The following STARD4 variants were observed in gnomAD, a reference collection of about 807,000 sequenced individuals.
STARD4 encodes the protein stAR-related lipid transfer protein 4.
A neutral mutation model predicts 24.9 loss-of-function variants in STARD4; 33 were observed. The observed-to-expected ratio is 1.32, with a 90% CI of 1.00 to 1.77. The LOEUF is 1.77. Among genes scored for constraint, STARD4 ranks in the 40% most tolerant of loss-of-function variants. The pLI is 0.00. For missense variants in STARD4, 238 were observed against 249.3 expected, an observed-to-expected ratio of 0.95 and a Z score of 0.31; for synonymous variants, 88 against 77.4, an observed-to-expected ratio of 1.14 and a Z score of -0.72.
At chr5:111,509,997 C>A (rs1050840768) in intron 1 of STARD4, among the ~76,000 whole-genome samples, 6 of 152,038 alleles carry the variant, frequency 3.9e-5, no homozygotes, top group African/African-American at 1.4e-4. Context: ...GAAATAACAA[C>A]AACAAAAACT....
At position 111,501,065 on chromosome 5, in the gene STARD4, A is replaced by T. The variant is rs746385640; in HGVS notation, c.334T>A (p.Ser112Thr). ...TTAGQLWNIISPREFVDFSYT... is the reference protein window; with the variant it reads ...TTAGQLWNIITPREFVDFSYT... ...GAGAAATCAACAAATTCTCTTGGGG[A>T]AATTATATTCCAAAGCTGACCAGCA... The change falls in exon 5 of 6, where the codon TCC (serine) becomes ACC (threonine). Residue 112 changes from serine (S) to threonine (T), a missense_variant. Physicochemically the swap from Ser to Thr is moderately conservative, Grantham distance 58 (BLOSUM62 1). Transcript: ENST00000296632. The T allele has an allele frequency of 6.2e-7, 1 of 1,612,490 alleles. No homozygotes were observed. The highest frequency in any genetic ancestry group is 1.1e-5 in the South Asian group (1 of 90,724).
At chr5:111,500,778 G>A in intron 5 of STARD4, 1 of 1,447,392 alleles carries the variant, frequency 6.9e-7, no homozygotes, top group Non-Finnish European at 9.0e-7. Flanking sequence ...TGCTACCTCT[G>A]ACCTAGAGGA....
At chr5:111,500,230 C>A in intron 5 of STARD4, 124 bp from the exon 6 acceptor site, 1 of 1,377,682 alleles carries the variant, frequency 7.3e-7, no homozygotes, top group South Asian at 1.9e-5. Context: ...AAAATTAAAT[C>A]CCAAAGTGAC....
chr5:111,504,417 A>G (rs1229852198), intron 3 of STARD4, among the ~76,000 whole-genome samples: 1 of 152,218 alleles, frequency 6.6e-6, no homozygotes, highest in African/African-American at 2.4e-5. Context: ...TAAAATATGT[A>G]CATACAAAGA....
Position 111,507,243 on chromosome 5 carries a change from A to ATCCC in STARD4, c.105+85_105+86insGGGA. On this transcript the variant is annotated intron_variant, in intron 2 of 5. Transcript: ENST00000296632. This position sits in a 1 kb window ranked among gnomAD's most constrained non-coding sequence, Gnocchi z 4.4. ...TCCATCCAAAGTATGGTCTTTGTCC[A>ATCCC]TATTGTTCCATTTAATTTTAAAAGT... 1 of 1,098,850 alleles carries ATCCC rather than the reference A, an allele frequency of 9.1e-7. No individual in the cohort carries two copies. The highest frequency in any genetic ancestry group is 2.4e-5 in the East Asian group (1 of 41,792). 68.1% of individuals were successfully genotyped at this position (1,098,850 alleles called of 1,614,324 possible).
intron 1 of STARD4, among the ~76,000 whole-genome samples, chr5:111,510,481 T>G (rs1757178778): frequency 6.6e-6 from 1 of 152,172 alleles, no homozygotes; most frequent in Admixed American, 6.5e-5. Flanking sequence ...CTTGACCTTA[T>G]ATCAGGAAAT....
chr5:111,502,793 CA>C (rs200887111), intron 3 of STARD4, among the ~76,000 whole-genome samples: 14 of 141,154 alleles, frequency 9.9e-5, no homozygotes, highest in African/African-American at 7.9e-5. Flanking sequence ...AATTCCATCT[CA>C]AAAAAAAAAT....
Position 111,499,779 on chromosome 5 carries a change from C to A in STARD4, c.*107G>T. On this transcript the variant is annotated 3_prime_UTR_variant, in exon 6 of 6. Transcript: ENST00000296632. ...TTGTACTAGTGAACCAAAAACATTT[C>A]AAATTTTTCTACCGGCTATGCAGAA... 2 of 1,050,950 alleles carry A rather than the reference C, an allele frequency of 1.9e-6. No homozygotes were observed. Among genetic ancestry groups the A allele is most frequent in the East Asian group, 2.5e-5 (1 of 39,292 alleles). 65.1% of individuals were successfully genotyped at this position (1,050,950 alleles called of 1,614,324 possible). A position where few individuals can be genotyped will look rare whatever the true frequency, so the allele number is the denominator to read the frequency against.
At position 111,498,644 on chromosome 5, in the gene STARD4, G is replaced by C. The variant is rs574374117; in HGVS notation, c.*1242C>G. ...TCAAAAGTACATTCAATTTAGAAAA[G>C]GATCCTGGTAATTAATAAATCATTA... On this transcript the variant is annotated 3_prime_UTR_variant, in exon 6 of 6. Coordinates refer to ENST00000296632, the MANE Select transcript of STARD4 (RefSeq NM_139164.3). 6.6e-6 allele frequency: 1 copy of C among 152,096 alleles called. No homozygotes were observed. The highest frequency in any genetic ancestry group is 1.5e-5 in the Non-Finnish European group (1 of 67,962). 9.4% of individuals were successfully genotyped at this position (152,096 alleles called of 1,614,324 possible).
rs928676698 is a variant in STARD4, at chr5:111,504,502, T to C, written c.155+1828A>G. ...TGGATATATAAATATATGGTCAAAG[T>C]ATGAAACAGGAACAACACACATAAC... On this transcript the variant is annotated intron_variant, in intron 3 of 5. Transcript: ENST00000296632. Among the ~76,000 whole-genome samples the C allele has an allele frequency of 2.0e-5, 3 of 152,290 alleles. No homozygotes were observed. The South Asian group carries it at 6.2e-4, about 32-fold the overall frequency.
intron 1 of STARD4, chr5:111,512,156 C>A (rs942980889): frequency 5.9e-5 from 9 of 152,318 alleles, no homozygotes; most frequent in African/African-American, 2.2e-4. Flanking sequence ...GCCCTGGGAT[C>A]CTTCCAGCTC....
chr5:111,510,306 GCT>G (rs1235050677), intron 1 of STARD4, among the ~76,000 whole-genome samples: 1 of 152,246 alleles, frequency 6.6e-6, no homozygotes, highest in South Asian at 2.1e-4. Context: ...CAAGGTCTTG[GCT>G]CTCTCTCCTA....
chr5:111,503,861 T>TA (rs1756650434), intron 3 of STARD4, among the ~76,000 whole-genome samples: 1 of 152,038 alleles, frequency 6.6e-6, no homozygotes, highest in Non-Finnish European at 1.5e-5. Flanking sequence ...GTATAACACA[T>TA]ATAAACAGAG....
chr5:111,506,830 GT>G (rs1756897413), intron 2 of STARD4, among the ~76,000 whole-genome samples: 1 of 152,160 alleles, frequency 6.6e-6, no homozygotes, highest in Admixed American at 6.5e-5. Flanking sequence ...CATTTCCCAA[GT>G]AATTCTGAAT....
Position 111,501,980 on chromosome 5 carries a change from A to G in STARD4, c.264T>C (p.Ile88=). 1 of 1,614,166 alleles carries G rather than the reference A, an allele frequency of 6.2e-7. No individual in the cohort carries two copies. Among genetic ancestry groups the G allele is most frequent in the Non-Finnish European group, 8.5e-7 (1 of 1,180,022 alleles). The change falls in exon 4 of 6, where the codon ATT becomes ATC. Residue 88 remains isoleucine (I), a synonymous_variant. Transcript: ENST00000296632. Reference sequence around the variant, plus strand: ...TAGATACCTCTTCAAAGTTCTCCAGAATATCCAAAGAAGTCATCAAGCTGT... The same window carrying G: ...TAGATACCTCTTCAAAGTTCTCCAGGATATCCAAAGAAGTCATCAAGCTGT... ...DWDSLMTSLD[I]LENFEENCCV...
intron 3 of STARD4, among the ~76,000 whole-genome samples, chr5:111,503,822 T>A (rs905051616): frequency 6.6e-6 from 1 of 152,236 alleles, no homozygotes; most frequent in East Asian, 1.9e-4. Flanking sequence ...AGTCATTTTT[T>A]AAAACTAGCC....
Position 111,498,729 on chromosome 5 carries a change from A to C in STARD4, c.*1157T>G, listed in dbSNP as rs1157982232. The C allele has an allele frequency of 6.6e-6, 1 of 152,186 alleles. No individual in the cohort carries two copies. Among genetic ancestry groups the C allele is most frequent in the East Asian group, 1.9e-4 (1 of 5,204 alleles). The allele number at this position is 152,186 out of a possible 1,614,324, so 9.4% of individuals were successfully genotyped here. A position where few individuals can be genotyped will look rare whatever the true frequency, so the allele number is the denominator to read the frequency against. On this transcript the variant is annotated 3_prime_UTR_variant, in exon 6 of 6. Coordinates refer to ENST00000296632, the MANE Select transcript of STARD4 (RefSeq NM_139164.3). ...GATCTTGATCAATCTAGATACTATGAGATAATTCACCATGAACATTGTGCT... is the reference window on the plus strand; with the variant it reads ...GATCTTGATCAATCTAGATACTATGCGATAATTCACCATGAACATTGTGCT...
At chr5:111,510,532 C>T (rs1332500121) in intron 1 of STARD4, among the ~76,000 whole-genome samples, 1 of 152,186 alleles carries the variant, frequency 6.6e-6, no homozygotes, top group African/African-American at 2.4e-5. Context: ...GAACAGGCAC[C>T]ACTTAACCTT....
At position 111,499,946 on chromosome 5, in the gene STARD4, T is replaced by C. The variant is rs1326018163; in HGVS notation, c.558A>G (p.Val186=). ...TTAAAGTGCTTGCCATGGCTGTATC[T>C]ACCGCAGACTGAGGAATCATCCCAC... ...DLRGMIPQSA[V]DTAMASTLTN... Residue 186 remains valine (V), a synonymous_variant, in exon 6 of 6, where the codon GTA becomes GTG. Transcript: ENST00000296632. 1 of 1,614,036 alleles carries C rather than the reference T, an allele frequency of 6.2e-7. No homozygotes were observed. Among genetic ancestry groups the C allele is most frequent in the Non-Finnish European group, 8.5e-7 (1 of 1,180,014 alleles).
Sources: gnomAD v4.1 joint callset for allele counts (sites outside exome capture counted in the v4.1 genomes callset) on GRCh38, gnomAD v4.1.1 for gene constraint, Gnocchi (gnomAD v3.1) non-coding constraint, MANE v1.5 for transcripts, NCBI Gene and HGNC (gene_info 2026-07-23, HGNC 2026-07-21) for gene names.